Variants in TOX observed in about 807,000 individuals in gnomAD.
TOX encodes the protein thymocyte selection-associated high mobility group box protein TOX.
TOX carries 11 observed loss-of-function variants against 53.7 expected under a neutral mutation model. That is an observed-to-expected ratio of 0.20 (90% CI 0.13 to 0.34). TOX has a LOEUF of 0.34. Among genes scored for constraint, TOX ranks in the 10% least tolerant of loss-of-function variants. TOX has a pLI of 1.00. For missense variants in TOX, 570 were observed against 664.6 expected (o/e 0.86, Z 1.56); for synonymous variants, 225 against 245.3 (o/e 0.92, Z 0.77).
intron 1 of TOX, among the ~76,000 whole-genome samples, chr8:58,962,118 C>A (rs149871854): frequency 6.6e-6 from 1 of 152,266 alleles, no homozygotes; most frequent in Non-Finnish European, 1.5e-5. Flanking sequence ...TTTTCTAAAT[C>A]TGGTGTTGTT....
intron 3 of TOX, among the ~76,000 whole-genome samples, chr8:58,922,249 C>T (rs1451018943): frequency 6.6e-6 from 1 of 152,180 alleles, no homozygotes; most frequent in Non-Finnish European, 1.5e-5. Context: ...AATTTTACAG[C>T]TCCAGGATTG....
At chr8:59,065,579 G>A (rs181978425) in intron 1 of TOX, among the ~76,000 whole-genome samples, 252 of 152,242 alleles carry the variant, frequency 1.7e-3, no homozygotes, top group Middle Eastern at 0.01. Flanking sequence ...TACAAATGAG[G>A]AAGCTGAGAC....
At position 59,110,519 on chromosome 8, in the gene TOX, C is replaced by T. The variant is rs75533088; in HGVS notation, c.102+8367G>A. On this transcript the variant is annotated intron_variant, in intron 1 of 8. Transcript: ENST00000361421. ...CCAGTTGGCCCATTCGTTAATTAAT[C>T]TTGCACATTATATTTCACATCTCTG... Among the ~76,000 whole-genome samples the T allele has an allele frequency of 9.7e-3, 1,484 of 152,234 alleles. 17 individuals are homozygous for T. Among genetic ancestry groups the T allele is most frequent in the African/African-American group, 0.033 (1,390 of 41,530 alleles).
chr8:59,003,095 C>T lies in TOX; in HGVS notation c.103-43087G>A, dbSNP rs114470808. Among the ~76,000 whole-genome samples, 453 of 152,242 alleles carry T rather than the reference C, an allele frequency of 3.0e-3. 1 individual carries two copies. The highest frequency in any genetic ancestry group is 0.01 in the African/African-American group (424 of 41,546). Reference sequence around the variant, plus strand: ...TTCATCTTCTTCTAAAAGTAAAAAGCTTTGTTGATTCATTTTAAATAGACA... The same window carrying T: ...TTCATCTTCTTCTAAAAGTAAAAAGTTTTGTTGATTCATTTTAAATAGACA... On this transcript the variant is annotated intron_variant, in intron 1 of 8. Coordinates refer to ENST00000361421, the MANE Select transcript of TOX (RefSeq NM_014729.3).
intron 1 of TOX, among the ~76,000 whole-genome samples, chr8:59,000,057 T>G (rs1813659634): frequency 6.6e-6 from 1 of 152,228 alleles, no homozygotes; most frequent in Non-Finnish European, 1.5e-5. Context: ...TAATATGCAT[T>G]ATTTTAAAAA....
At chr8:58,922,468 T>C (rs1812089945) in intron 3 of TOX, among the ~76,000 whole-genome samples, 1 of 152,236 alleles carries the variant, frequency 6.6e-6, no homozygotes, top group Non-Finnish European at 1.5e-5. Flanking sequence ...TGACCTTTCC[T>C]ATAGCCTTTA....
At chr8:58,920,768 C>G (rs1330257870) in intron 3 of TOX, among the ~76,000 whole-genome samples, 1 of 130,276 alleles carries the variant, frequency 7.7e-6, no homozygotes, top group Non-Finnish European at 1.6e-5. Flanking sequence ...AAAAGAATCT[C>G]TGATCTAGAC....
At chr8:58,908,247 C>T (rs1311289272) in intron 3 of TOX, among the ~76,000 whole-genome samples, 1 of 152,186 alleles carries the variant, frequency 6.6e-6, no homozygotes, top group East Asian at 1.9e-4. Flanking sequence ...AGTAATAGCA[C>T]AGATGGGGAA....
At chr8:59,116,146 G>A (rs143048230) in intron 1 of TOX, among the ~76,000 whole-genome samples, 103 of 152,208 alleles carry the variant, frequency 6.8e-4, no homozygotes, top group Middle Eastern at 3.4e-3. Context: ...TACTGGTTCC[G>A]CTGGGATTTA....
At chr8:59,045,721 C>T (rs1055700929) in intron 1 of TOX, among the ~76,000 whole-genome samples, 34 of 152,220 alleles carry the variant, frequency 2.2e-4, no homozygotes, top group African/African-American at 7.7e-4. Flanking sequence ...TCATTCTACT[C>T]CTCTCCTGCC....
chr8:59,070,542 CACACACAG>C (rs1225577019), intron 1 of TOX, among the ~76,000 whole-genome samples: 1 of 150,130 alleles, frequency 6.7e-6, no homozygotes, highest in Non-Finnish European at 1.5e-5. Flanking sequence ...CACACACACA[CACACACAG>C]GGAGACCTAA....
chr8:58,909,820 G>A (rs1279176393), intron 3 of TOX, among the ~76,000 whole-genome samples: 1 of 152,084 alleles, frequency 6.6e-6, no homozygotes, highest in Non-Finnish European at 1.5e-5. Context: ...ACTACACCCA[G>A]CTAATTTTTG....
At chr8:59,071,749 A>G (rs1804200715) in intron 1 of TOX, among the ~76,000 whole-genome samples, 2 of 152,234 alleles carry the variant, frequency 1.3e-5, no homozygotes, top group Admixed American at 1.3e-4. Context: ...CTTATGGCAT[A>G]GATATCAGCT....
At position 59,066,619 on chromosome 8, in the gene TOX, A is replaced by G. The variant is rs1804098624; in HGVS notation, c.102+52267T>C. Among the ~76,000 whole-genome samples, 2 of 152,190 alleles carry G rather than the reference A, an allele frequency of 1.3e-5. 1 individual carries two copies. The highest frequency in any genetic ancestry group is 4.1e-4 in the South Asian group (2 of 4,834). On this transcript the variant is annotated intron_variant, in intron 1 of 8. Coordinates refer to ENST00000361421, the MANE Select transcript of TOX (RefSeq NM_014729.3). ...CTTGCAGCACCATTAAATAGATCCCACAAATTCTTTGCATTCAAAACGTCC... is the reference window on the plus strand; with the variant it reads ...CTTGCAGCACCATTAAATAGATCCCGCAAATTCTTTGCATTCAAAACGTCC...
intron 1 of TOX, among the ~76,000 whole-genome samples, chr8:59,020,104 T>G (rs562529081): frequency 1.3e-5 from 2 of 152,214 alleles, no homozygotes; most frequent in Admixed American, 1.3e-4. Context: ...CGGAAGATAG[T>G]ACAGTACTAC....
At chr8:59,062,727 C>G (rs898392153) in intron 1 of TOX, among the ~76,000 whole-genome samples, 4 of 151,962 alleles carry the variant, frequency 2.6e-5, no homozygotes, top group African/African-American at 9.7e-5. Flanking sequence ...ACCTGTATGC[C>G]TTTTGGTTTT....
At position 59,077,487 on chromosome 8, in the gene TOX, A is replaced by G. The variant is rs143786436; in HGVS notation, c.102+41399T>C. Among the ~76,000 whole-genome samples, 436 of 152,242 alleles carry G rather than the reference A, an allele frequency of 2.9e-3. 1 individual carries two copies. Among genetic ancestry groups the G allele is most frequent in the Non-Finnish European group, 5.0e-3 (343 of 68,014 alleles). ...GAGGCATGATGCTTGGTACCCAGGAATGTGTGTCTCGTTGCTGTGATCCCT... is the reference window on the plus strand; with the variant it reads ...GAGGCATGATGCTTGGTACCCAGGAGTGTGTGTCTCGTTGCTGTGATCCCT... On this transcript the variant is annotated intron_variant, in intron 1 of 8. Coordinates refer to ENST00000361421, the MANE Select transcript of TOX (RefSeq NM_014729.3).
intron 2 of TOX, among the ~76,000 whole-genome samples, chr8:58,952,593 C>T (rs1423482383): frequency 2.6e-5 from 4 of 152,202 alleles, no homozygotes; most frequent in Non-Finnish European, 5.9e-5. Context: ...ACTCCTCCCT[C>T]CAATGCCTAA....
chr8:59,001,660 A>C (rs1318882880), intron 1 of TOX, among the ~76,000 whole-genome samples: 1 of 152,224 alleles, frequency 6.6e-6, no homozygotes, highest in Non-Finnish European at 1.5e-5. Flanking sequence ...GCATTCGTGG[A>C]ACAAAATGCA....
Sources: allele counts gnomAD v4.1 joint callset (sites outside exome capture counted in the v4.1 genomes callset), GRCh38; gene constraint gnomAD v4.1.1; transcripts MANE v1.5; gene names NCBI Gene and HGNC (gene_info 2026-07-23, HGNC 2026-07-21).